Variants in RYK observed in about 807,000 individuals in gnomAD.
RYK encodes inactive tyrosine-protein kinase RYK.
RYK carries 21 observed loss-of-function variants against 70.2 expected under a neutral mutation model. The ratio of observed to expected loss-of-function variants is 0.30; its 90% CI spans 0.21 to 0.43. The LOEUF is 0.43. Among genes scored for constraint, RYK ranks in the 20% least tolerant of loss-of-function variants. The probability of loss-of-function intolerance (pLI) is 1.00; values close to 1 mark genes in which losing one functional copy is unlikely to be tolerated. For synonymous variants in RYK, 267 were observed against 278.0 expected, an observed-to-expected ratio of 0.96 and a Z score of 0.39; for missense variants, 604 against 753.3, an observed-to-expected ratio of 0.80 and a Z score of 2.32.
At chr3:134,215,110 C>T (rs1013776606) in intron 2 of RYK, among the ~76,000 whole-genome samples, 4 of 152,226 alleles carry the variant, frequency 2.6e-5, no homozygotes, top group Non-Finnish European at 4.4e-5. Flanking sequence ...CAGAAACTTG[C>T]TGTCTCCTTT....
At chr3:134,178,828 T>G (rs1361294076) in intron 10 of RYK, 1 of 152,202 alleles carries the variant, frequency 6.6e-6, no homozygotes, top group East Asian at 1.9e-4. Context: ...AACTGCTAAT[T>G]TTTCCCAAGG....
At position 134,158,077 on chromosome 3, in the gene RYK, T is replaced by C; in HGVS notation, c.*76A>G. The C allele has an allele frequency of 1.4e-6, 1 of 693,388 alleles. No homozygotes were observed. Among genetic ancestry groups the C allele is most frequent in the Non-Finnish European group, 2.1e-6 (1 of 466,042 alleles). The allele number at this position is 693,388 out of a possible 1,614,324, so 43.0% of individuals were successfully genotyped here. ...GTGCTTCTGTTGGCGTTGTGTTAGA[T>C]ACAAAGCATCCCTGACAGGCTTCAA... is the stretch of plus-strand genomic sequence containing the variant. On this transcript the variant is annotated 3_prime_UTR_variant, in exon 15 of 15. Coordinates refer to ENST00000623711, the MANE Select transcript of RYK (RefSeq NM_002958.4).
At chr3:134,182,151 T>C (rs1269618679) in intron 10 of RYK, among the ~76,000 whole-genome samples, 1 of 144,880 alleles carries the variant, frequency 6.9e-6, no homozygotes, top group African/African-American at 2.6e-5. Flanking sequence ...CGAGACTCTG[T>C]CTCCAAAAAA....
chr3:134,183,223 T>C (rs1413946755), intron 9 of RYK, 152 bp from the exon 10 acceptor site: 2 of 426,746 alleles, frequency 4.7e-6, no homozygotes, highest in Non-Finnish European at 8.3e-6. Context: ...TAGATAAAAA[T>C]TCTACTGCAG....
chr3:134,228,608 G>T (rs1036776891), intron 1 of RYK, among the ~76,000 whole-genome samples: 1 of 152,024 alleles, frequency 6.6e-6, no homozygotes, highest in African/African-American at 2.4e-5. Flanking sequence ...GACAAATACC[G>T]CATGACATCA....
chr3:134,184,761 T>C (rs1214896465), intron 9 of RYK, among the ~76,000 whole-genome samples: 3 of 151,688 alleles, frequency 2.0e-5, no homozygotes, highest in Non-Finnish European at 2.9e-5. Context: ...CAAGACCCTG[T>C]CTCCCAAAAT....
At chr3:134,207,431 TC>T in intron 5 of RYK, 40 bp downstream of exon 5, 1 of 1,337,244 alleles carries the variant, frequency 7.5e-7, no homozygotes, top group African/African-American at 1.5e-5. Flanking sequence ...CAACCATTTT[TC>T]ATTTCTAATA....
At chr3:134,175,556 A>T (rs573247033) in intron 13 of RYK, 53 bp downstream of exon 13, 1 of 1,555,858 alleles carries the variant, frequency 6.4e-7, no homozygotes, top group African/African-American at 1.4e-5. Context: ...GAACATTTAA[A>T]AACAGAAAGC....
At chr3:134,178,220 C>T in intron 10 of RYK, 147 bp from the exon 11 acceptor site, 2 of 626,910 alleles carry the variant, frequency 3.2e-6, no homozygotes, top group Non-Finnish European at 5.3e-6. Flanking sequence ...TATAAGTGTT[C>T]TGTATTTTAA....
At chr3:134,173,890 G>C (rs2108149653) in intron 13 of RYK, among the ~76,000 whole-genome samples, 1 of 152,246 alleles carries the variant, frequency 6.6e-6, no homozygotes, top group East Asian at 1.9e-4. Flanking sequence ...AGAAATCTTA[G>C]ATCATTTCAA....
chr3:134,175,550 A>G (rs1240224025), intron 13 of RYK, 59 bp downstream of exon 13: 1 of 1,546,586 alleles, frequency 6.5e-7, no homozygotes, highest in Non-Finnish European at 8.8e-7. Flanking sequence ...ATAGTAGAAC[A>G]TTTAAAAACA....
chr3:134,160,666 A>G (rs2012431067), intron 13 of RYK, among the ~76,000 whole-genome samples: 1 of 152,164 alleles, frequency 6.6e-6, no homozygotes, highest in Non-Finnish European at 1.5e-5. Context: ...ATCAGCCATG[A>G]CCAACATAGA....
intron 6 of RYK, among the ~76,000 whole-genome samples, chr3:134,200,443 G>GT (rs1353519647): frequency 3.3e-5 from 5 of 152,010 alleles, no homozygotes; most frequent in Non-Finnish European, 5.9e-5. Flanking sequence ...ACATCTGAAG[G>GT]AACAAACTCC....
At chr3:134,187,249 A>G (rs767610526) in intron 9 of RYK, among the ~76,000 whole-genome samples, 40 of 152,320 alleles carry the variant, frequency 2.6e-4, no homozygotes, top group African/African-American at 8.7e-4. Context: ...AGATTGGTAT[A>G]ACCCAACTTT....
chr3:134,232,929 A>G (rs1390219664), intron 1 of RYK, among the ~76,000 whole-genome samples: 1 of 152,258 alleles, frequency 6.6e-6, no homozygotes, highest in South Asian at 2.1e-4. Flanking sequence ...GCTGCTGCCA[A>G]GCAGGAGTCC....
intron 11 of RYK, among the ~76,000 whole-genome samples, chr3:134,176,679 G>A (rs1377649279): frequency 2.0e-5 from 3 of 152,130 alleles, no homozygotes; most frequent in Non-Finnish European, 4.4e-5. Flanking sequence ...ATGGGAGGTT[G>A]AGGCTGCAGT....
chr3:134,188,829 G>A lies in RYK; in HGVS notation c.1102+8C>T. The A allele has an allele frequency of 6.6e-7, 1 of 1,505,796 alleles. No homozygotes were observed. Among genetic ancestry groups the A allele is most frequent in the Non-Finnish European group, 9.2e-7 (1 of 1,092,616 alleles). 93.3% of individuals were successfully genotyped at this position (1,505,796 alleles called of 1,614,324 possible). Reference sequence around the variant, plus strand: ...CATCATGGAAATACTATGGAAAAAAGATCCTACCTTTAACTGTTTTGACAA... The same window carrying A: ...CATCATGGAAATACTATGGAAAAAAAATCCTACCTTTAACTGTTTTGACAA... On this transcript the variant is annotated splice_region_variant and intron_variant, in intron 9 of 14. Coordinates refer to ENST00000623711, the MANE Select transcript of RYK (RefSeq NM_002958.4).
Position 134,222,398 on chromosome 3 carries a change from G to A in RYK, c.354+20C>T, listed in dbSNP as rs547869927. ...GCTGGGTGACCCTGTCATGATGTCTGTGGTTAGCCACTCTCTTACCTTGGA... is the reference window on the plus strand; with the variant it reads ...GCTGGGTGACCCTGTCATGATGTCTATGGTTAGCCACTCTCTTACCTTGGA... On this transcript the variant is annotated intron_variant, in intron 2 of 14. Coordinates refer to ENST00000623711, the MANE Select transcript of RYK (RefSeq NM_002958.4). 381 of 1,612,164 alleles carry A rather than the reference G, an allele frequency of 2.4e-4. 4 individuals are homozygous for A. The South Asian group carries it at 4.0e-3, about 17-fold the overall frequency.
chr3:134,249,879 C>G (rs1208530158), intron 1 of RYK, among the ~76,000 whole-genome samples: 3 of 144,964 alleles, frequency 2.1e-5, no homozygotes, highest in Non-Finnish European at 4.5e-5. Context: ...CTGCCACGAA[C>G]ATTTGGTGCC....
Sources: allele counts gnomAD v4.1 joint callset (sites outside exome capture counted in the v4.1 genomes callset), GRCh38; gene constraint gnomAD v4.1.1; transcripts MANE v1.5; gene names NCBI Gene and HGNC (gene_info 2026-07-23, HGNC 2026-07-21).